DLC1: variants seen among roughly 807,000 people sequenced by gnomAD.
DLC1 encodes rho GTPase-activating protein 7.
A neutral mutation model predicts 140.3 loss-of-function variants in DLC1; 54 were observed. The observed-to-expected ratio is 0.38, with a 90% CI of 0.31 to 0.48. The LOEUF is 0.48. Among genes scored for constraint, DLC1 ranks in the 20% least tolerant of loss-of-function variants. The pLI is 0.96. For synonymous variants in DLC1, 986 were observed against 728.1 expected, an observed-to-expected ratio of 1.35 and a Z score of -5.70; for missense variants, 2,536 against 1,907.0, an observed-to-expected ratio of 1.33 and a Z score of -6.14.
intron 5 of DLC1, among the ~76,000 whole-genome samples, chr8:13,246,974 C>A (rs1007135420): frequency 3.3e-5 from 5 of 152,040 alleles, no homozygotes; most frequent in Non-Finnish European, 5.9e-5. Context: ...TGAGCAAAAC[C>A]CAGACTGAGT....
intron 4 of DLC1, among the ~76,000 whole-genome samples, chr8:13,318,362 G>A (rs887831549): frequency 2.0e-5 from 3 of 152,042 alleles, no homozygotes; most frequent in Non-Finnish European, 1.5e-5. Flanking sequence ...AACTACCAAA[G>A]GGATAGTGTT....
rs1383255925 is a variant in DLC1 at position 13,091,225 on chromosome 8, T to C, written c.3855+93A>G. On this transcript the variant is annotated intron_variant, in intron 14 of 17. Transcript: ENST00000276297. ...ATACCGTCTCCAGCTGTGGAAAAGG[T>C]CTTCAGGTAAGACATGAACAAGGGT... The C allele has an allele frequency of 3.4e-6, 4 of 1,190,750 alleles. No individual in the cohort carries two copies. In the East Asian group the frequency reaches 9.4e-5, roughly 28 times the overall value. 73.8% of individuals were successfully genotyped at this position (1,190,750 alleles called of 1,614,324 possible).
chr8:13,579,204 C>T (rs1190670964), intron 1 of DLC1, among the ~76,000 whole-genome samples: 3 of 127,374 alleles, frequency 2.4e-5, no homozygotes, highest in Non-Finnish European at 3.2e-5. Flanking sequence ...CTAGCACCGC[C>T]GCATAAAAGG....
chr8:13,556,651 T>C (rs1446294476), intron 1 of DLC1, among the ~76,000 whole-genome samples: 2 of 152,112 alleles, frequency 1.3e-5, no homozygotes, highest in Non-Finnish European at 2.9e-5. Context: ...TAGGGCCTGA[T>C]ACAGACATAG....
At position 13,533,365 on chromosome 8, in the gene DLC1, A is replaced by C. The variant is rs192674867; in HGVS notation, c.-125-33169T>G. 4.6e-5 allele frequency among the ~76,000 whole-genome samples: 7 copies of C among 152,288 alleles called. No individual in the cohort carries two copies. The East Asian group carries it at 1.4e-3, about 29-fold the overall frequency. Reference sequence around the variant, plus strand: ...TGTAGTATATTCTAAAGTAATTAAGATATTTTGAAGCCCCAGTCAACAACT... The same window carrying C: ...TGTAGTATATTCTAAAGTAATTAAGCTATTTTGAAGCCCCAGTCAACAACT... On this transcript the variant is annotated intron_variant, in intron 1 of 1. Transcript: ENST00000631382.
intron 13 of DLC1, 138 bp downstream of exon 13, chr8:13,092,474 G>T: frequency 1.1e-6 from 1 of 880,040 alleles, no homozygotes; most frequent in Non-Finnish European, 1.7e-6. Flanking sequence ...TTTATTAGCG[G>T]TGTGAGAATG....
intron 2 of DLC1, among the ~76,000 whole-genome samples, chr8:13,485,185 TCTA>T (rs1231269299): frequency 6.6e-6 from 1 of 152,184 alleles, no homozygotes; most frequent in Non-Finnish European, 1.5e-5. Flanking sequence ...CTAACACACT[TCTA>T]CTATTTTCTC....
intron 2 of DLC1, among the ~76,000 whole-genome samples, chr8:13,462,654 C>T (rs1799726017): frequency 6.6e-6 from 1 of 152,152 alleles, no homozygotes; most frequent in Non-Finnish European, 1.5e-5. Flanking sequence ...GATCTGCCTG[C>T]CTCGGTCTCC....
chr8:13,481,256 C>T (rs1285319112), intron 2 of DLC1, among the ~76,000 whole-genome samples: 1 of 152,102 alleles, frequency 6.6e-6, no homozygotes, highest in Non-Finnish European at 1.5e-5. Context: ...AAAACCCCAT[C>T]TCCTCAAAAA....
intron 8 of DLC1, among the ~76,000 whole-genome samples, chr8:13,101,769 C>G (rs1819109952): frequency 6.6e-6 from 1 of 152,210 alleles, no homozygotes; most frequent in Admixed American, 6.5e-5. Context: ...GCCCTGACAG[C>G]TCGCGGCATT....
In DLC1 at chr8:13,194,582, G is replaced by A. The variant is rs747723052; in HGVS notation, c.1349-78925C>T. Among the ~76,000 whole-genome samples, 84 of 152,210 alleles carry A rather than the reference G, an allele frequency of 5.5e-4. 1 individual carries two copies. The highest frequency in any genetic ancestry group is 2.4e-4 in the Non-Finnish European group (16 of 68,042). On this transcript the variant is annotated intron_variant, in intron 5 of 17. Coordinates refer to ENST00000276297, the MANE Select transcript of DLC1 (RefSeq NM_182643.3). ...CACCTGATTTGGAAGAAAGCCACGGGCAGAGGCCAGCATTACTGGCAAAAG... is the reference window on the plus strand; with the variant it reads ...CACCTGATTTGGAAGAAAGCCACGGACAGAGGCCAGCATTACTGGCAAAAG...
rs117538628 is a variant in DLC1 at position 13,570,751 on chromosome 8, C to T, written c.-126+33786G>A. 1.9e-3 allele frequency among the ~76,000 whole-genome samples: 290 copies of T among 152,168 alleles called. 6 individuals are homozygous for T. The East Asian group carries it at 0.053, about 28-fold the overall frequency. ...TCCCTTTTCACCTGGCATACTCTCCCGCTTCTTCGTCGTCTTCATTCAGCT... is the reference window on the plus strand; with the variant it reads ...TCCCTTTTCACCTGGCATACTCTCCTGCTTCTTCGTCGTCTTCATTCAGCT... On this transcript the variant is annotated intron_variant, in intron 1 of 1. Coordinates refer to the DLC1 transcript ENST00000631382.
At chr8:13,152,587 T>A (rs1460043874) in intron 5 of DLC1, among the ~76,000 whole-genome samples, 2 of 152,190 alleles carry the variant, frequency 1.3e-5, no homozygotes. Flanking sequence ...ATTTTCTTTA[T>A]GCTTAACAAA....
At chr8:13,365,805 G>C (rs960696306) in intron 4 of DLC1, among the ~76,000 whole-genome samples, 10 of 152,178 alleles carry the variant, frequency 6.6e-5, no homozygotes, top group African/African-American at 2.4e-4. Flanking sequence ...ACTGCTAATG[G>C]AAATGTCAAC....
upstream of DLC1, among the ~76,000 whole-genome samples, chr8:13,519,109 T>G (rs1480927721): frequency 6.6e-6 from 1 of 152,008 alleles, no homozygotes; most frequent in Non-Finnish European, 1.5e-5. Flanking sequence ...GTTATTTACA[T>G]TAGGTATATC....
At chr8:13,286,938 G>C (rs573689651) in intron 5 of DLC1, among the ~76,000 whole-genome samples, 4 of 152,170 alleles carry the variant, frequency 2.6e-5, no homozygotes, top group Non-Finnish European at 5.9e-5. Flanking sequence ...AAGGGAAAGA[G>C]GGGATCTGAG....
At position 13,410,047 on chromosome 8, in the gene DLC1, A is replaced by G. The variant is rs189625896; in HGVS notation, c.1024-8428T>C. 1.1e-3 allele frequency among the ~76,000 whole-genome samples: 169 copies of G among 152,314 alleles called. 1 individual carries two copies. The highest frequency in any genetic ancestry group is 3.7e-3 in the Admixed American group (56 of 15,296). On this transcript the variant is annotated intron_variant, in intron 2 of 17. Transcript: ENST00000276297. ...TTAGAGTCTCACCTAGGGTAATTCC[A>G]CAATAAGAATGTCATTAATCTCCTA...
At chr8:13,141,874 A>G (rs1453575494) in intron 5 of DLC1, among the ~76,000 whole-genome samples, 1 of 150,424 alleles carries the variant, frequency 6.6e-6, no homozygotes, top group East Asian at 1.9e-4. Flanking sequence ...TACACATTTT[A>G]AAAAATAGAC....
At chr8:13,169,223 A>G (rs1375897835) in intron 5 of DLC1, among the ~76,000 whole-genome samples, 4 of 152,186 alleles carry the variant, frequency 2.6e-5, no homozygotes, top group African/African-American at 7.2e-5. Context: ...AGATGAATCA[A>G]CTATGTTCAG....
Sources: allele counts gnomAD v4.1 joint callset (sites outside exome capture counted in the v4.1 genomes callset), GRCh38; gene constraint gnomAD v4.1.1; transcripts MANE v1.5; gene names NCBI Gene and HGNC (gene_info 2026-07-23, HGNC 2026-07-21).